The following RALGAPA2 variants were observed in gnomAD, a reference collection of about 807,000 sequenced individuals.
RALGAPA2 encodes ral GTPase-activating protein subunit alpha-2.
In RALGAPA2, 139 loss-of-function variants were observed where a neutral mutation model predicts 230.4. The observed-to-expected ratio is 0.60, with a 90% CI of 0.53 to 0.69. The LOEUF (loss-of-function observed/expected upper bound fraction) is 0.69. Among genes scored for constraint, RALGAPA2 ranks in the 30% least tolerant of loss-of-function variants. The probability of loss-of-function intolerance (pLI) is 0.00; values close to 1 mark genes in which losing one functional copy is unlikely to be tolerated. For missense variants in RALGAPA2, 2,163 were observed against 2,276.0 expected (o/e 0.95, Z 1.01); for synonymous variants, 847 against 837.8 (o/e 1.01, Z -0.19).
chr20:20,575,052 AC>A (rs2064775270), intron 20 of RALGAPA2, among the ~76,000 whole-genome samples: 1 of 151,998 alleles, frequency 6.6e-6, no homozygotes, highest in Non-Finnish European at 1.5e-5. Context: ...CAACCATTTG[AC>A]CCCCAGGTAT....
At chr20:20,702,449 T>C (rs764180325) in intron 1 of RALGAPA2, among the ~76,000 whole-genome samples, 1 of 151,756 alleles carries the variant, frequency 6.6e-6, no homozygotes, top group Non-Finnish European at 1.5e-5. Flanking sequence ...GAAGGTTGAG[T>C]AGGAAGTGTC....
chr20:20,554,386 T>C (rs2064019011), intron 23 of RALGAPA2, among the ~76,000 whole-genome samples: 1 of 152,260 alleles, frequency 6.6e-6, no homozygotes, highest in Non-Finnish European at 1.5e-5. Flanking sequence ...ATTGTATTGA[T>C]ACATGATGTT....
intron 37 of RALGAPA2, among the ~76,000 whole-genome samples, chr20:20,466,496 A>G (rs146431100): frequency 6.6e-6 from 1 of 152,308 alleles, no homozygotes; most frequent in African/African-American, 2.4e-5. Flanking sequence ...AATACCTCTC[A>G]GACTCCTGAA....
intron 3 of RALGAPA2, chr20:20,660,009 T>C (rs1641940258): frequency 2.1e-5 from 4 of 194,228 alleles, no homozygotes; most frequent in Non-Finnish European, 3.2e-5. Flanking sequence ...TTTGGGAGGC[T>C]GAGGTGGGCT....
At chr20:20,504,450 T>C (rs947979435) in intron 34 of RALGAPA2, among the ~76,000 whole-genome samples, 1 of 151,934 alleles carries the variant, frequency 6.6e-6, no homozygotes, top group East Asian at 1.9e-4. Context: ...TAATAAAAAA[T>C]AAGGAAATTG....
chr20:20,573,412 G>A (rs910599719), intron 20 of RALGAPA2, among the ~76,000 whole-genome samples: 2 of 152,170 alleles, frequency 1.3e-5, no homozygotes, highest in African/African-American at 4.8e-5. Flanking sequence ...CTCAATGCTG[G>A]AGTAACATCT....
At chr20:20,558,103 C>A (rs953464718) in intron 23 of RALGAPA2, among the ~76,000 whole-genome samples, 3 of 152,120 alleles carry the variant, frequency 2.0e-5, no homozygotes, top group Non-Finnish European at 4.4e-5. Context: ...CTCCTAGGTT[C>A]AAGCAATTCT....
At chr20:20,493,913 C>T (rs1186595239) in intron 36 of RALGAPA2, among the ~76,000 whole-genome samples, 6 of 152,126 alleles carry the variant, frequency 3.9e-5, no homozygotes, top group African/African-American at 1.4e-4. Context: ...AAAGAGGGTT[C>T]CCTTTATGTC....
chr20:20,702,032 T>A (rs1402768695), intron 1 of RALGAPA2, among the ~76,000 whole-genome samples: 1 of 143,478 alleles, frequency 7.0e-6, no homozygotes, highest in Admixed American at 7.1e-5. Context: ...AGAGCAAGAC[T>A]CCATCTCAAT....
intron 1 of RALGAPA2, among the ~76,000 whole-genome samples, chr20:20,681,673 A>G (rs2068526604): frequency 6.6e-6 from 1 of 152,186 alleles, no homozygotes; most frequent in Non-Finnish European, 1.5e-5. Context: ...GGGAGAATAC[A>G]CTAGCATCTG....
Position 20,662,703 on chromosome 20 carries a change from T to C in RALGAPA2, c.271-9116A>G, listed in dbSNP as rs180816273. 8.3e-3 allele frequency among the ~76,000 whole-genome samples: 1,267 copies of C among 152,248 alleles called. 18 individuals carry two copies. The highest frequency in any genetic ancestry group is 0.029 in the African/African-American group (1,190 of 41,530). ...AGTGCCCATTATGTGCGAGGTACCA[T>C]GTGAGGGATCAGAGATACATAAAAG... is the stretch of plus-strand genomic sequence containing the variant. On this transcript the variant is annotated intron_variant, in intron 3 of 39. Transcript: ENST00000202677.
intron 3 of RALGAPA2, among the ~76,000 whole-genome samples, chr20:20,667,089 A>G (rs1015408823): frequency 6.6e-6 from 1 of 152,212 alleles, no homozygotes; most frequent in Non-Finnish European, 1.5e-5. Flanking sequence ...ATGCATTTGG[A>G]TGGGAAATAA....
At position 20,524,552 on chromosome 20, in the gene RALGAPA2, A is replaced by C; in HGVS notation, c.3763-9T>G. The C allele has an allele frequency of 6.2e-7, 1 of 1,613,938 alleles. No homozygotes were observed. Among genetic ancestry groups the C allele is most frequent in the Non-Finnish European group, 8.5e-7 (1 of 1,179,854 alleles). ...AGCAAGGACACAATAAACTGGAAGAAGAACATGCCCGGTAGCTTATGCTGC... is the reference window on the plus strand; with the variant it reads ...AGCAAGGACACAATAAACTGGAAGACGAACATGCCCGGTAGCTTATGCTGC... On this transcript the variant is annotated splice_polypyrimidine_tract_variant and intron_variant, in intron 29 of 39. Transcript: ENST00000202677.
chr20:20,590,748 G>C (rs771083776), intron 17 of RALGAPA2, among the ~76,000 whole-genome samples: 5 of 152,090 alleles, frequency 3.3e-5, no homozygotes, highest in Non-Finnish European at 7.4e-5. Context: ...CACAAGTCTG[G>C]TCAGCTTTCC....
In RALGAPA2 at chr20:20,399,343, C is replaced by CAAAAAAAA; in HGVS notation, c.5618-2617_5618-2610dup. Among the ~76,000 whole-genome samples the CAAAAAAAA allele has an allele frequency of 1.7e-5, 2 of 115,986 alleles. 1 individual carries two copies. Among genetic ancestry groups the CAAAAAAAA allele is most frequent in the Non-Finnish European group, 3.4e-5 (2 of 58,650 alleles). The allele number at this position is 115,986 out of a possible 152,430, so 76.1% of individuals were successfully genotyped here. ...TGGGCAATAGAGCGAAACTCCGTCTCAAAAAAAAAAAAAAAAAAAGTTGTG... is the reference window on the plus strand; with the variant it reads ...TGGGCAATAGAGCGAAACTCCGTCTCAAAAAAAAAAAAAAAAAAAAAAAAAAAGTTGTG... On this transcript the variant is annotated intron_variant, in intron 38 of 39. Coordinates refer to ENST00000202677, the MANE Select transcript of RALGAPA2 (RefSeq NM_020343.4).
intron 27 of RALGAPA2, among the ~76,000 whole-genome samples, chr20:20,527,829 A>T (rs901003814): frequency 2.0e-5 from 3 of 152,136 alleles, no homozygotes; most frequent in African/African-American, 7.2e-5. Context: ...AGAGTGGGAG[A>T]ACATGAGTGG....
At position 20,600,867 on chromosome 20, in the gene RALGAPA2, C is replaced by T. The variant is rs190132716; in HGVS notation, c.2203+815G>A. On this transcript the variant is annotated intron_variant, in intron 16 of 39. Transcript: ENST00000202677. ...CTGTAATCCCAGCATTTTGGGAGGC[C>T]GAGGCGGGCAGATCACGAGGTCAGG... is the stretch of plus-strand genomic sequence containing the variant. Among the ~76,000 whole-genome samples, 24 of 152,198 alleles carry T rather than the reference C, an allele frequency of 1.6e-4. No homozygotes were observed. The East Asian group carries it at 4.3e-3, about 27-fold the overall frequency.
chr20:20,536,086 T>A (rs1467902945), intron 25 of RALGAPA2, among the ~76,000 whole-genome samples: 1 of 152,238 alleles, frequency 6.6e-6, no homozygotes, highest in Non-Finnish European at 1.5e-5. Context: ...AATCTCGGTT[T>A]TCTTTTACTT....
intron 27 of RALGAPA2, among the ~76,000 whole-genome samples, chr20:20,528,419 G>A (rs1425676557): frequency 1.3e-5 from 2 of 152,150 alleles, no homozygotes; most frequent in Non-Finnish European, 2.9e-5. Flanking sequence ...GGCAGGGTGA[G>A]TGTGTGAGGG....
Sources: gnomAD v4.1 joint callset for allele counts (sites outside exome capture counted in the v4.1 genomes callset) on GRCh38, gnomAD v4.1.1 for gene constraint, MANE v1.5 for transcripts, NCBI Gene and HGNC (gene_info 2026-07-23, HGNC 2026-07-21) for gene names.